AKAP13: variants seen among roughly 807,000 people sequenced by gnomAD.
AKAP13 encodes the protein A-kinase anchor protein 13.
A neutral mutation model predicts 264.5 loss-of-function variants in AKAP13; 80 were observed. The observed-to-expected ratio is 0.30, with a 90% CI of 0.25 to 0.36. The LOEUF is 0.36. Ranked by LOEUF, AKAP13 falls within the 10% of genes least tolerant of loss-of-function variation. The pLI is 1.00. For missense variants in AKAP13, 3,712 were observed against 3,435.2 expected (o/e 1.08, Z -2.01); for synonymous variants, 1,380 against 1,250.2 (o/e 1.10, Z -2.19).
Position 85,579,884 on chromosome 15 carries a change from C to A in AKAP13, c.1816C>A (p.Leu606Ile). ...TTCAGATGGATTAGAACCTTATACTCTCTTAGCAGCAGGCATAGGTGAGGC... is the reference window on the plus strand; with the variant it reads ...TTCAGATGGATTAGAACCTTATACTATCTTAGCAGCAGGCATAGGTGAGGC... Reference protein sequence around the residue: ...KISDGLEPYTLLAAGIGEAMS... With the variant: ...KISDGLEPYTILAAGIGEAMS... The change falls in exon 7 of 37, where the codon CTC (leucine) becomes ATC (isoleucine). Residue 606 changes from leucine to isoleucine, a missense_variant. Transcript: ENST00000394518. 6.2e-7 allele frequency: 1 copy of A among 1,614,212 alleles called. No individual in the cohort carries two copies. Among genetic ancestry groups the A allele is most frequent in the African/African-American group, 1.3e-5 (1 of 75,056 alleles).
intron 24 of AKAP13, 46 bp from the exon 25 acceptor site, chr15:85,722,184 G>C (rs2151729345): frequency 6.2e-7 from 1 of 1,609,822 alleles, no homozygotes; most frequent in Non-Finnish European, 8.5e-7. Context: ...GCTTTCACTA[G>C]AGCCTTTTTC....
intron 14 of AKAP13, among the ~76,000 whole-genome samples, chr15:85,680,336 T>G (rs2084516622): frequency 6.6e-6 from 1 of 152,104 alleles, no homozygotes; most frequent in Non-Finnish European, 1.5e-5. Flanking sequence ...TAATGCATCA[T>G]AAGATTAAAA....
intron 19 of AKAP13, among the ~76,000 whole-genome samples, chr15:85,711,343 T>A (rs1310297790): frequency 6.6e-6 from 1 of 152,216 alleles, no homozygotes; most frequent in Non-Finnish European, 1.5e-5. Context: ...TTACTGATAC[T>A]TTTCCCTTTT....
intron 5 of AKAP13, among the ~76,000 whole-genome samples, chr15:85,560,512 GTTTAT>G (rs1418340754): frequency 1.3e-5 from 2 of 151,914 alleles, no homozygotes; most frequent in Non-Finnish European, 2.9e-5. Context: ...CATAAGACAG[GTTTAT>G]TTTATTATCA....
At chr15:85,426,418 A>G (rs748888261) in intron 1 of AKAP13, among the ~76,000 whole-genome samples, 16 of 152,202 alleles carry the variant, frequency 1.1e-4, no homozygotes, top group Admixed American at 2.6e-4. Flanking sequence ...GTAGAAATCT[A>G]AGAGAATGAG....
chr15:85,409,957 A>C lies in AKAP13; in HGVS notation c.-12+29159A>C, dbSNP rs953325160. On this transcript the variant is annotated intron_variant, in intron 1 of 36. Coordinates refer to ENST00000394518, the MANE Select transcript of AKAP13 (RefSeq NM_007200.5). ...GATGCAGCTAGTAGTTTTTTAATGAACCTTAAATTATAAGGGAGGTTGTTG... is the reference window on the plus strand; with the variant it reads ...GATGCAGCTAGTAGTTTTTTAATGACCCTTAAATTATAAGGGAGGTTGTTG... Among the ~76,000 whole-genome samples the C allele has an allele frequency of 1.1e-4, 16 of 151,544 alleles. 1 individual carries two copies. The highest frequency in any genetic ancestry group is 3.4e-4 in the African/African-American group (14 of 40,896).
At chr15:85,537,551 A>G (rs904230301) in intron 4 of AKAP13, among the ~76,000 whole-genome samples, 3 of 152,236 alleles carry the variant, frequency 2.0e-5, no homozygotes, top group African/African-American at 4.8e-5. Flanking sequence ...AAATGTTTAT[A>G]GGTGCCTATG....
rs760428945 is a variant in AKAP13, at chr15:85,658,601, C to T, written c.4799+11C>T. 1.9e-6 allele frequency: 3 copies of T among 1,611,340 alleles called. No individual in the cohort carries two copies. In the East Asian group the frequency reaches 6.7e-5, roughly 36 times the overall value. On this transcript the variant is annotated intron_variant, in intron 12 of 36. Transcript: ENST00000394518. ...CATTCATAGGAGAAGGTACAGAGTTCATTAACTTGATGGACTAACCATGTC... is the reference window on the plus strand; with the variant it reads ...CATTCATAGGAGAAGGTACAGAGTTTATTAACTTGATGGACTAACCATGTC...
At chr15:85,439,995 T>TAAA (rs2073562127) in intron 1 of AKAP13, among the ~76,000 whole-genome samples, 1 of 150,482 alleles carries the variant, frequency 6.6e-6, no homozygotes, top group Non-Finnish European at 1.5e-5. Context: ...ATAATAATAA[T>TAAA]AAATAAAAAC....
chr15:85,621,820 A>G (rs748671535), intron 8 of AKAP13, among the ~76,000 whole-genome samples: 3 of 152,234 alleles, frequency 2.0e-5, no homozygotes, highest in Non-Finnish European at 4.4e-5. Context: ...TTGAGTGACA[A>G]GAATGTGGTT....
chr15:85,565,914 C>G (rs1567128537), intron 5 of AKAP13, among the ~76,000 whole-genome samples: 1 of 152,212 alleles, frequency 6.6e-6, no homozygotes, highest in South Asian at 2.1e-4. Context: ...TTGTACCAAG[C>G]CATGGTCTCT....
chr15:85,471,342 A>G (rs2074953225), intron 1 of AKAP13, among the ~76,000 whole-genome samples: 1 of 152,094 alleles, frequency 6.6e-6, no homozygotes, highest in Non-Finnish European at 1.5e-5. Flanking sequence ...AAAAATACAA[A>G]AAATTAGCCG....
At chr15:85,533,508 G>T in intron 3 of AKAP13, 76 bp from the exon 4 acceptor site, 1 of 1,421,410 alleles carries the variant, frequency 7.0e-7, no homozygotes, top group Non-Finnish European at 9.5e-7. Context: ...TGAAATAAGA[G>T]CTAAGAGGAT....
At chr15:85,410,022 G>C (rs562279515) in intron 1 of AKAP13, among the ~76,000 whole-genome samples, 4 of 151,724 alleles carry the variant, frequency 2.6e-5, no homozygotes, top group South Asian at 4.2e-4. Flanking sequence ...GAAGAAATTA[G>C]TTTCCTCCAT....
intron 5 of AKAP13, among the ~76,000 whole-genome samples, chr15:85,569,580 G>A (rs2078735840): frequency 1.3e-5 from 2 of 151,300 alleles, no homozygotes; most frequent in African/African-American, 4.9e-5. Flanking sequence ...AGCCTCCCGA[G>A]TTGCTGGGAT....
chr15:85,595,513 G>C (rs975185132), intron 8 of AKAP13, among the ~76,000 whole-genome samples: 6 of 152,188 alleles, frequency 3.9e-5, no homozygotes, highest in Non-Finnish European at 5.9e-5. Flanking sequence ...CATGAATGCA[G>C]TATATGAGAC....
chr15:85,593,901 C>T (rs1442780408), intron 8 of AKAP13, among the ~76,000 whole-genome samples: 2 of 152,128 alleles, frequency 1.3e-5, no homozygotes, highest in African/African-American at 4.8e-5. Context: ...TTGCCAACTA[C>T]CAGCTGAATA....
At position 85,731,806 on chromosome 15, in the gene AKAP13, G is replaced by T. The variant is rs374843185; in HGVS notation, c.7282+1099G>T. On this transcript the variant is annotated intron_variant, in intron 30 of 36. Transcript: ENST00000394518. ...ATTGAAACATGTTTGATGGGGCCAG[G>T]CACGGTGGCTCATTTCTATAATCCC... Among the ~76,000 whole-genome samples the T allele has an allele frequency of 3.9e-5, 6 of 152,144 alleles. No individual in the cohort carries two copies. The East Asian group carries it at 1.2e-3, about 29-fold the overall frequency.
At chr15:85,434,336 G>T (rs982905694) in intron 1 of AKAP13, among the ~76,000 whole-genome samples, 1 of 152,104 alleles carries the variant, frequency 6.6e-6, no homozygotes, top group Non-Finnish European at 1.5e-5. Context: ...ACGGAATCTC[G>T]CTGACTGCTA....
Sources: gnomAD v4.1 joint callset for allele counts (sites outside exome capture counted in the v4.1 genomes callset) on GRCh38, gnomAD v4.1.1 for gene constraint, MANE v1.5 for transcripts, NCBI Gene and HGNC (gene_info 2026-07-23, HGNC 2026-07-21) for gene names.